The following CSPP1 variants were observed in gnomAD, a reference collection of about 807,000 sequenced individuals.
CSPP1 encodes the protein centrosome and spindle pole-associated protein 1.
A neutral mutation model predicts 164.4 loss-of-function variants in CSPP1; 126 were observed. That is an observed-to-expected ratio of 0.77 (90% confidence interval 0.66 to 0.89). The LOEUF is 0.89. Ranked by LOEUF, CSPP1 falls within the 40% of genes least tolerant of loss-of-function variation. The pLI, the probability that CSPP1 is intolerant of heterozygous loss-of-function variation, is 0.00. For missense variants in CSPP1, 1,395 were observed against 1,449.8 expected (o/e 0.96, Z 0.61); for synonymous variants, 472 against 476.7 (o/e 0.99, Z 0.13).
intron 3 of CSPP1, chr8:67,080,766 C>T (rs1808978263): frequency 6.6e-6 from 1 of 152,222 alleles, no homozygotes; most frequent in Non-Finnish European, 1.5e-5. Flanking sequence ...GGTTGAGACA[C>T]ATAGGGTAAG....
chr8:67,088,586 C>T (rs1340810678), intron 4 of CSPP1, among the ~76,000 whole-genome samples: 1 of 138,596 alleles, frequency 7.2e-6, no homozygotes, highest in African/African-American at 2.6e-5. Flanking sequence ...CCGCACCCGG[C>T]CAGTTTTTGA....
At chr8:67,180,330 A>G (rs1247382918) in intron 28 of CSPP1, among the ~76,000 whole-genome samples, 1 of 152,240 alleles carries the variant, frequency 6.6e-6, no homozygotes, top group Non-Finnish European at 1.5e-5. Flanking sequence ...AAAAAAGACA[A>G]TCCCAATAAG....
chr8:67,149,974 A>G (rs1256079846), intron 18 of CSPP1, 39 bp downstream of exon 18: 5 of 1,011,986 alleles, frequency 4.9e-6, no homozygotes, highest in African/African-American at 5.9e-5. Context: ...TTTTTTTTAC[A>G]TTTCTGAAAT....
intron 24 of CSPP1, among the ~76,000 whole-genome samples, chr8:67,167,398 C>T (rs9693736): frequency 6.7e-6 from 1 of 148,392 alleles, no homozygotes; most frequent in Admixed American, 6.6e-5. Context: ...GCGGGGGCTG[C>T]CCCCCACCTC....
At chr8:67,182,317 CTTTT>C (rs112406408) in intron 28 of CSPP1, among the ~76,000 whole-genome samples, 2 of 146,248 alleles carry the variant, frequency 1.4e-5, no homozygotes, top group African/African-American at 4.9e-5. Context: ...CAGATTTCCC[CTTTT>C]TTTTTTTATG....
chr8:67,109,998 CTG>C (rs1297445910), intron 9 of CSPP1, among the ~76,000 whole-genome samples: 3 of 151,902 alleles, frequency 2.0e-5, no homozygotes, highest in Non-Finnish European at 4.4e-5. Context: ...GTTTGTATAA[CTG>C]TGGGTTTGTT....
chr8:67,132,176 C>G (rs1326666700), intron 16 of CSPP1, 96 bp downstream of exon 16: 4 of 1,210,640 alleles, frequency 3.3e-6, no homozygotes, highest in Non-Finnish European at 4.5e-6. Context: ...GGAAAAAAAA[C>G]AGTTAATTAT....
chr8:67,160,396 C>T (rs537124126), intron 21 of CSPP1, among the ~76,000 whole-genome samples: 21 of 147,588 alleles, frequency 1.4e-4, no homozygotes, highest in Non-Finnish European at 2.1e-4. Context: ...ACTTGGGAGG[C>T]GGAGGTTGCA....
chr8:67,079,463 G>C (rs1230095522), intron 3 of CSPP1, among the ~76,000 whole-genome samples: 1 of 152,158 alleles, frequency 6.6e-6, no homozygotes, highest in Non-Finnish European at 1.5e-5. Flanking sequence ...TAAATCTCAA[G>C]TAAGGTCACT....
At position 67,158,582 on chromosome 8, in the gene CSPP1, G is replaced by C. The variant is rs1403521788; in HGVS notation, c.2377G>C (p.Glu793Gln). Residue 793 changes from glutamate to glutamine, a missense_variant, in exon 20 of 31, where the codon GAG becomes CAG. Coordinates refer to ENST00000678616, the MANE Select transcript of CSPP1 (RefSeq NM_001382391.1). ...TGAAGAGGAACAGGAAAAGAAAAGA[G>C]AGAAAGAGGAGGAGGTACATCTTTT... is the stretch of plus-strand genomic sequence containing the variant. ...EYEEEQEKKR[E>Q]KEEEQRLKNE... 13 of 1,596,620 alleles carry C rather than the reference G, an allele frequency of 8.1e-6. No individual in the cohort carries two copies. Among genetic ancestry groups the C allele is most frequent in the Middle Eastern group, 1.7e-4 (1 of 6,058 alleles).
At chr8:67,067,689 T>G (rs1223287256) in intron 1 of CSPP1, among the ~76,000 whole-genome samples, 2 of 151,714 alleles carry the variant, frequency 1.3e-5, no homozygotes, top group East Asian at 3.9e-4. Context: ...GGTCTTGATC[T>G]CCTGACCTCG....
At chr8:67,184,610 A>G (rs184551378) in intron 28 of CSPP1, among the ~76,000 whole-genome samples, 52 of 151,928 alleles carry the variant, frequency 3.4e-4, no homozygotes, top group African/African-American at 1.2e-3. Flanking sequence ...CTGTAGTCCC[A>G]GCTATCTGGG....
At chr8:67,088,261 A>G (rs1464616105) in intron 4 of CSPP1, among the ~76,000 whole-genome samples, 1 of 152,058 alleles carries the variant, frequency 6.6e-6, no homozygotes, top group East Asian at 1.9e-4. Flanking sequence ...AAGGGATGTG[A>G]AGGAGTTTTT....
At chr8:67,097,089 A>G (rs1812963715) in intron 7 of CSPP1, among the ~76,000 whole-genome samples, 2 of 152,184 alleles carry the variant, frequency 1.3e-5, no homozygotes, top group South Asian at 4.1e-4. Flanking sequence ...GCCATAGTTT[A>G]ACCTAACTTG....
rs775283102 is a variant in CSPP1 at position 67,137,615 on chromosome 8, C to G, written c.1975+12C>G. 1 of 1,488,610 alleles carries G rather than the reference C, an allele frequency of 6.7e-7. No homozygotes were observed. The highest frequency in any genetic ancestry group is 2.4e-5 in the Admixed American group (1 of 41,810). 92.2% of individuals were successfully genotyped at this position (1,488,610 alleles called of 1,614,324 possible). A position where few individuals can be genotyped will look rare whatever the true frequency, so the allele number is the denominator to read the frequency against. On this transcript the variant is annotated intron_variant, in intron 17 of 30. Coordinates refer to ENST00000678616, the MANE Select transcript of CSPP1 (RefSeq NM_001382391.1). ...AGGAAATCTGATAAGTACGTTATTT[C>G]TACTGACTTGTTTTTAAAATAAGCT...
At chr8:67,139,548 G>A (rs961587377) in intron 17 of CSPP1, among the ~76,000 whole-genome samples, 1 of 152,234 alleles carries the variant, frequency 6.6e-6, no homozygotes, top group African/African-American at 2.4e-5. Context: ...GCACATGTAT[G>A]TTTATTGCAG....
chr8:67,156,613 A>T (rs2129559647), intron 19 of CSPP1, among the ~76,000 whole-genome samples: 1 of 152,304 alleles, frequency 6.6e-6, no homozygotes, highest in East Asian at 1.9e-4. Context: ...ACTGTCAACA[A>T]TATAATGTCA....
At chr8:67,161,697 TAAC>T (rs1828385692) in intron 21 of CSPP1, 111 bp from the exon 22 acceptor site, 1 of 569,072 alleles carries the variant, frequency 1.8e-6, no homozygotes, top group Admixed American at 2.9e-5. Flanking sequence ...ATAAAAGCAA[TAAC>T]AATCTAAACT....
intron 3 of CSPP1, among the ~76,000 whole-genome samples, chr8:67,079,841 C>T (rs1049283620): frequency 4.6e-5 from 7 of 152,212 alleles, no homozygotes; most frequent in Non-Finnish European, 1.5e-5. Flanking sequence ...TGTATTTCCA[C>T]TGCCTAGCAC....
Sources: allele counts gnomAD v4.1 joint callset (sites outside exome capture counted in the v4.1 genomes callset), GRCh38; gene constraint gnomAD v4.1.1; transcripts MANE v1.5; gene names NCBI Gene and HGNC (gene_info 2026-07-23, HGNC 2026-07-21).